The following ARID2 variants were observed in gnomAD, a reference collection of about 807,000 sequenced individuals.
ARID2 encodes AT-rich interactive domain-containing protein 2.
A neutral mutation model predicts 184.6 loss-of-function variants in ARID2; 32 were observed. The ratio of observed to expected loss-of-function variants is 0.17; its 90% CI spans 0.13 to 0.23. The LOEUF (loss-of-function observed/expected upper bound fraction) is 0.23, where lower values mean the gene tolerates loss of function less well. ARID2 is among the 10% of genes least tolerant of loss of function. ARID2 has a pLI of 1.00. For missense variants in ARID2, 1,696 were observed against 2,197.6 expected (o/e 0.77, Z 4.56); for synonymous variants, 836 against 772.6 (o/e 1.08, Z -1.36).
At chr12:45,867,317 A>T (rs1281483993) in intron 16 of ARID2, among the ~76,000 whole-genome samples, 1 of 151,832 alleles carries the variant, frequency 6.6e-6, no homozygotes, top group African/African-American at 2.4e-5. Flanking sequence ...TAGTGGGATG[A>T]TCACAGTTCA....
In ARID2 at chr12:45,852,424, C is replaced by T. The variant is rs2138178728; in HGVS notation, c.4301C>T (p.Ala1434Val). The T allele has an allele frequency of 1.2e-6, 2 of 1,614,146 alleles. No individual in the cohort carries two copies. The highest frequency in any genetic ancestry group is 1.7e-5 in the Admixed American group (1 of 60,010). Residue 1434 changes from alanine (A) to valine (V), a missense_variant, in exon 15 of 21, where the codon GCT becomes GTT. Physicochemically the swap from Ala to Val is moderately conservative, Grantham distance 64 (BLOSUM62 0). Coordinates refer to ENST00000334344, the MANE Select transcript of ARID2 (RefSeq NM_152641.4). The part of the protein sequence containing the change: ...GGSSVSSIQE[A>V]SNAATQQFSG... Reference sequence around the variant, plus strand: ...TCATCTGTGAGCAGTATACAGGAGGCTTCAAATGCGGCAACACAGCAATTT... The same window carrying T: ...TCATCTGTGAGCAGTATACAGGAGGTTTCAAATGCGGCAACACAGCAATTT...
At position 45,852,556 on chromosome 12, in the gene ARID2, T is replaced by C. The variant is rs147073436; in HGVS notation, c.4433T>C (p.Ile1478Thr). The change falls in exon 15 of 21, where the codon ATA becomes ACA. Residue 1478 changes from isoleucine (I) to threonine (T), a missense_variant. Physicochemically the swap from Ile to Thr is moderately conservative, Grantham distance 89 (BLOSUM62 -1). Coordinates refer to ENST00000334344, the MANE Select transcript of ARID2 (RefSeq NM_152641.4). ...VVSPHSTTSV[I>T]QGHQIIAVPD... The stretch of plus-strand genomic sequence containing the variant: ...TCACCACATTCTACAACCTCTGTTA[T>C]ACAGGGACATCAAATCATAGCAGTT... 36 of 1,614,198 alleles carry C rather than the reference T, an allele frequency of 2.2e-5. No homozygotes were observed. The Admixed American group carries it at 2.8e-4, about 13-fold the overall frequency.
chr12:45,821,407 A>G lies in ARID2; in HGVS notation c.638-13A>G, dbSNP rs894797140. The G allele has an allele frequency of 4.9e-5, 71 of 1,463,296 alleles. No individual in the cohort carries two copies. Among genetic ancestry groups the G allele is most frequent in the South Asian group, 1.4e-5 (1 of 70,680 alleles). 90.6% of individuals were successfully genotyped at this position (1,463,296 alleles called of 1,614,324 possible). ...ATTTTATTGAATGTACTATTTATTT[A>G]TTTGTTTTTTAGCTTTAGGATCCTT... On this transcript the variant is annotated splice_polypyrimidine_tract_variant and intron_variant, in intron 5 of 20. Transcript: ENST00000334344.
intron 3 of ARID2, among the ~76,000 whole-genome samples, chr12:45,780,063 G>A (rs1942060160): frequency 3.3e-5 from 5 of 152,142 alleles, no homozygotes; most frequent in Non-Finnish European, 7.4e-5. Context: ...TACTTACTTA[G>A]CAGATTGCCT....
intron 16 of ARID2, among the ~76,000 whole-genome samples, chr12:45,877,028 C>A (rs184993510): frequency 5.0e-4 from 74 of 147,278 alleles, no homozygotes; most frequent in Admixed American, 4.2e-3. Context: ...GGAGACAGAG[C>A]TTGCAGTGAG....
chr12:45,777,645 A>T (rs899597978), intron 3 of ARID2, among the ~76,000 whole-genome samples: 1 of 151,936 alleles, frequency 6.6e-6, no homozygotes, highest in African/African-American at 2.4e-5. Context: ...TTATCTTTCA[A>T]TATAGGTGCT....
At chr12:45,821,099 C>A (rs906239034) in intron 5 of ARID2, among the ~76,000 whole-genome samples, 1 of 151,906 alleles carries the variant, frequency 6.6e-6, no homozygotes, top group Non-Finnish European at 1.5e-5. Flanking sequence ...CCTCAGTTTG[C>A]TTTTTTAAGA....
intron 3 of ARID2, among the ~76,000 whole-genome samples, chr12:45,752,492 G>A (rs896936309): frequency 6.6e-6 from 1 of 152,160 alleles, no homozygotes; most frequent in African/African-American, 2.4e-5. Context: ...CACTCAGTAG[G>A]TACACTTGTA....
intron 3 of ARID2, among the ~76,000 whole-genome samples, chr12:45,790,101 G>A (rs1030159418): frequency 2.0e-5 from 3 of 152,054 alleles, no homozygotes; most frequent in Admixed American, 6.6e-5. Context: ...CCTATAAATA[G>A]CGTATTTTTC....
intron 3 of ARID2, among the ~76,000 whole-genome samples, chr12:45,772,901 G>A (rs1287983022): frequency 6.6e-6 from 1 of 152,154 alleles, no homozygotes; most frequent in Non-Finnish European, 1.5e-5. Context: ...AAGTCAACCA[G>A]ACCAAACAGA....
At chr12:45,838,577 C>T (rs1943264529) in intron 10 of ARID2, among the ~76,000 whole-genome samples, 1 of 151,942 alleles carries the variant, frequency 6.6e-6, no homozygotes, top group African/African-American at 2.4e-5. Flanking sequence ...TTACCCTGGG[C>T]AACATAGTGA....
chr12:45,883,362 C>A (rs1049521486), intron 16 of ARID2, among the ~76,000 whole-genome samples: 1 of 150,118 alleles, frequency 6.7e-6, no homozygotes, highest in African/African-American at 2.5e-5. Flanking sequence ...GAAGAATTTG[C>A]CAAATCATGT....
chr12:45,835,917 A>C (rs1943213048), intron 6 of ARID2, among the ~76,000 whole-genome samples: 1 of 151,942 alleles, frequency 6.6e-6, no homozygotes, highest in Non-Finnish European at 1.5e-5. Context: ...AAAAACAAAA[A>C]CAAAAAAGAA....
At chr12:45,763,026 G>A (rs1397632576) in intron 3 of ARID2, among the ~76,000 whole-genome samples, 1 of 152,188 alleles carries the variant, frequency 6.6e-6, no homozygotes, top group Non-Finnish European at 1.5e-5. Flanking sequence ...ACTGTGCTAA[G>A]TGTTTTATGT....
In ARID2 at chr12:45,811,466, TGAG is replaced by T; in HGVS notation, c.335_337del (p.Glu112del). 6.2e-7 allele frequency: 1 copy of T among 1,613,662 alleles called. No individual in the cohort carries two copies. ...TTCATCATTTTGGGGAGGATGATGA[TGAG>T]GTACCACCAGGCAATCCAAAGCCAC... On this transcript the variant is annotated inframe_deletion, in exon 4 of 21. Transcript: ENST00000334344.
chr12:45,816,647 C>T (rs1358776780), intron 4 of ARID2, among the ~76,000 whole-genome samples: 1 of 152,158 alleles, frequency 6.6e-6, no homozygotes, highest in Non-Finnish European at 1.5e-5. Flanking sequence ...TTTATTAGTA[C>T]TCACCAATAA....
chr12:45,854,938 A>G (rs1943619183), intron 15 of ARID2, among the ~76,000 whole-genome samples: 1 of 152,248 alleles, frequency 6.6e-6, no homozygotes, highest in South Asian at 2.1e-4. Flanking sequence ...TTACCAACTA[A>G]TATGAGGTGG....
chr12:45,876,156 T>G (rs956167317), intron 16 of ARID2, among the ~76,000 whole-genome samples: 2 of 152,226 alleles, frequency 1.3e-5, no homozygotes, highest in Admixed American at 6.5e-5. Flanking sequence ...TGTGGGGTTA[T>G]TAATTGGCCT....
At chr12:45,858,184 G>T (rs1188850679) in intron 15 of ARID2, among the ~76,000 whole-genome samples, 2 of 151,920 alleles carry the variant, frequency 1.3e-5, no homozygotes, top group African/African-American at 4.8e-5. Flanking sequence ...CTTCAGTATG[G>T]TTTTAGGTGT....
Sources: allele counts gnomAD v4.1 joint callset (sites outside exome capture counted in the v4.1 genomes callset), GRCh38; gene constraint gnomAD v4.1.1; transcripts MANE v1.5; gene names NCBI Gene and HGNC (gene_info 2026-07-23, HGNC 2026-07-21).